The following CTNND2 variants were observed in gnomAD, a reference collection of about 807,000 sequenced individuals.
CTNND2 encodes catenin delta-2.
Under a neutral mutation model 144.4 loss-of-function variants are expected in CTNND2, and 22 were observed. The observed-to-expected ratio is 0.15, with a 90% CI of 0.11 to 0.22. The LOEUF is 0.22. Among genes scored for constraint, CTNND2 ranks in the 10% least tolerant of loss-of-function variants. The probability of loss-of-function intolerance (pLI) is 1.00; values close to 1 mark genes in which losing one functional copy is unlikely to be tolerated. For synonymous variants in CTNND2, 751 were observed against 695.6 expected (o/e 1.08, Z -1.25); for missense variants, 1,353 against 1,618.8 (o/e 0.84, Z 2.82).
intron 9 of CTNND2, among the ~76,000 whole-genome samples, chr5:11,250,519 A>ATATAT (rs1554012681): frequency 4.8e-5 from 4 of 83,230 alleles, no homozygotes; most frequent in African/African-American, 1.8e-4. Context: ...ATATACATAT[A>ATATAT]TTTTTTTTTT....
intron 3 of CTNND2, among the ~76,000 whole-genome samples, chr5:11,476,912 T>C (rs376547703): frequency 6.6e-6 from 1 of 152,210 alleles, no homozygotes; most frequent in African/African-American, 2.4e-5. Context: ...TAGGTCTCTG[T>C]TATCTTTGAA....
intron 11 of CTNND2, among the ~76,000 whole-genome samples, chr5:11,188,708 C>A (rs766735578): frequency 3.9e-4 from 60 of 152,150 alleles, no homozygotes; most frequent in Admixed American, 2.6e-4. Context: ...GGTAAGAGAG[C>A]CATCCCATAA....
At chr5:11,321,072 T>G (rs148591493) in intron 9 of CTNND2, among the ~76,000 whole-genome samples, 1 of 152,152 alleles carries the variant, frequency 6.6e-6, no homozygotes, top group Non-Finnish European at 1.5e-5. Context: ...AAATAACACA[T>G]TCTAAAGACC....
At chr5:11,169,562 C>G (rs906440560) in intron 11 of CTNND2, among the ~76,000 whole-genome samples, 1 of 152,198 alleles carries the variant, frequency 6.6e-6, no homozygotes, top group African/African-American at 2.4e-5. Context: ...AGTTACACAG[C>G]CAGCACACAT....
At chr5:11,082,585 T>A in intron 16 of CTNND2, 111 bp downstream of exon 16, 1 of 1,263,992 alleles carries the variant, frequency 7.9e-7, no homozygotes, top group Non-Finnish European at 1.1e-6. Flanking sequence ...TGCTAATAAA[T>A]GCACGGCTTC....
At chr5:11,514,024 A>T (rs944140331) in intron 3 of CTNND2, among the ~76,000 whole-genome samples, 22 of 152,210 alleles carry the variant, frequency 1.4e-4, no homozygotes, top group African/African-American at 5.3e-4. Context: ...ACAAAAATTT[A>T]AAAAAAGAAT....
intron 1 of CTNND2, among the ~76,000 whole-genome samples, chr5:11,877,273 T>A (rs1735636194): frequency 6.6e-6 from 1 of 152,156 alleles, no homozygotes; most frequent in Admixed American, 6.5e-5. Context: ...ATTATTTTCC[T>A]AATTTCTTGA....
chr5:11,510,980 C>T (rs1434681411), intron 3 of CTNND2, among the ~76,000 whole-genome samples: 1 of 151,932 alleles, frequency 6.6e-6, no homozygotes, highest in East Asian at 1.9e-4. Flanking sequence ...TAGCTTTCAT[C>T]ACCATATCCT....
At chr5:11,360,480 T>C (rs781339207) in intron 8 of CTNND2, among the ~76,000 whole-genome samples, 28 of 152,018 alleles carry the variant, frequency 1.8e-4, no homozygotes, top group Non-Finnish European at 3.2e-4. Flanking sequence ...GAGTGGCCAC[T>C]AGAGCCAGAG....
chr5:11,857,783 C>G (rs187238425), intron 1 of CTNND2, among the ~76,000 whole-genome samples: 3 of 152,162 alleles, frequency 2.0e-5, no homozygotes, highest in Non-Finnish European at 2.9e-5. Flanking sequence ...CCTCTCTGCT[C>G]TACAATGTGT....
chr5:11,608,686 C>G (rs191095969), intron 2 of CTNND2, among the ~76,000 whole-genome samples: 5 of 152,214 alleles, frequency 3.3e-5, no homozygotes, highest in Non-Finnish European at 7.3e-5. Context: ...CAGCACCTTA[C>G]TTGGTTTCTC....
intron 3 of CTNND2, among the ~76,000 whole-genome samples, chr5:11,497,849 G>C (rs1444752647): frequency 6.6e-6 from 1 of 152,120 alleles, no homozygotes; most frequent in East Asian, 1.9e-4. Context: ...CCATGGAATA[G>C]GCTTTGTGTC....
At chr5:11,422,125 C>T (rs1347243168) in intron 3 of CTNND2, among the ~76,000 whole-genome samples, 1 of 152,086 alleles carries the variant, frequency 6.6e-6, no homozygotes, top group African/African-American at 2.4e-5. Flanking sequence ...CGCAGGCCCA[C>T]CATATGGCAT....
chr5:11,716,914 CTGGAG>C (rs947480249), intron 2 of CTNND2, among the ~76,000 whole-genome samples: 20 of 151,990 alleles, frequency 1.3e-4, no homozygotes, highest in African/African-American at 4.8e-4. Flanking sequence ...TGCCACCAGG[CTGGAG>C]TGTAGTGGCA....
intron 1 of CTNND2, among the ~76,000 whole-genome samples, chr5:11,814,206 G>T (rs1302733099): frequency 6.6e-6 from 1 of 152,192 alleles, no homozygotes; most frequent in Admixed American, 6.5e-5. Context: ...TGCCAATGTA[G>T]ATTTTTTACA....
intron 3 of CTNND2, among the ~76,000 whole-genome samples, chr5:11,540,866 T>G (rs1171313863): frequency 6.6e-6 from 1 of 152,028 alleles, no homozygotes. Context: ...AGTATGAGAG[T>G]TAAGTAAGTT....
chr5:11,017,925 G>T (rs766468921), intron 18 of CTNND2, 49 bp downstream of exon 18: 9 of 1,443,316 alleles, frequency 6.2e-6, no homozygotes, highest in Non-Finnish European at 8.8e-6. Context: ...GCCTCTCAGG[G>T]TCCCGTGTTG....
At chr5:11,294,782 AC>A (rs1378500230) in intron 9 of CTNND2, among the ~76,000 whole-genome samples, 3 of 152,038 alleles carry the variant, frequency 2.0e-5, no homozygotes, top group Admixed American at 6.6e-5. Flanking sequence ...AAATTCAACA[AC>A]CCTTCATGCT....
intron 15 of CTNND2, among the ~76,000 whole-genome samples, chr5:11,087,338 T>C (rs1189708170): frequency 1.3e-5 from 2 of 152,218 alleles, no homozygotes; most frequent in Non-Finnish European, 2.9e-5. Flanking sequence ...AGTAGTTTAT[T>C]ATAAAAACAA....
Sources: allele counts gnomAD v4.1 joint callset (sites outside exome capture counted in the v4.1 genomes callset), GRCh38; gene constraint gnomAD v4.1.1; transcripts MANE v1.5; gene names NCBI Gene and HGNC (gene_info 2026-07-23, HGNC 2026-07-21).